CWF19L2: variants seen among roughly 807,000 people sequenced by gnomAD.
CWF19L2 encodes the protein CWF19-like protein 2.
Under a neutral mutation model 111.7 loss-of-function variants are expected in CWF19L2, and 98 were observed. The ratio of observed to expected loss-of-function variants is 0.88; its 90% CI spans 0.75 to 1.04. The LOEUF (loss-of-function observed/expected upper bound fraction) is 1.04, where lower values mean the gene tolerates loss of function less well. Ranked by LOEUF, CWF19L2 falls within the 50% of genes least tolerant of loss-of-function variation. The pLI is 0.00. For missense variants in CWF19L2, 1,101 were observed against 1,051.4 expected (o/e 1.05, Z -0.65); for synonymous variants, 351 against 342.9 (o/e 1.02, Z -0.26).
intron 10 of CWF19L2, among the ~76,000 whole-genome samples, chr11:107,393,764 A>C (rs1007843829): frequency 2.6e-5 from 4 of 152,180 alleles, no homozygotes; most frequent in Non-Finnish European, 5.9e-5. Context: ...CAATTATCCT[A>C]AGTGAAATAA....
chr11:107,426,937 C>T (rs558882168), intron 8 of CWF19L2, among the ~76,000 whole-genome samples: 1 of 151,904 alleles, frequency 6.6e-6, no homozygotes, highest in Non-Finnish European at 1.5e-5. Context: ...TTATACTCAC[C>T]TATGCTTCAT....
In CWF19L2 at chr11:107,329,988, T is replaced by A; in HGVS notation, c.2471A>T (p.Asp824Val). 1 of 1,586,826 alleles carries A rather than the reference T, an allele frequency of 6.3e-7. No homozygotes were observed. Among genetic ancestry groups the A allele is most frequent in the Non-Finnish European group, 8.6e-7 (1 of 1,166,212 alleles). ...VPRGLPYFSV[D>V]FGLHGGFAHV... ...GGCAAACCCTCCGTGAAGGCCAAAATCCACAGAGAAGTAAGGTAACCCTCT... is the reference window on the plus strand; with the variant it reads ...GGCAAACCCTCCGTGAAGGCCAAAAACCACAGAGAAGTAAGGTAACCCTCT... The change falls in exon 17 of 18, where the codon GAT becomes GTT. Residue 824 changes from aspartate (D) to valine (V), a missense_variant. Physicochemically the swap from Asp to Val is radical, Grantham distance 152. Coordinates refer to ENST00000282251, the MANE Select transcript of CWF19L2 (RefSeq NM_152434.3).
rs552541113 is a variant in CWF19L2 at position 107,392,955 on chromosome 11, T to A, written c.1618-60A>T. Reference sequence around the variant, plus strand: ...TTGTGAAGAATGTTGAATGTTTTTATTTAATAACAAAAAAAGCATTAAAAT... The same window carrying A: ...TTGTGAAGAATGTTGAATGTTTTTAATTAATAACAAAAAAAGCATTAAAAT... On this transcript the variant is annotated intron_variant, in intron 10 of 17. Coordinates refer to ENST00000282251, the MANE Select transcript of CWF19L2 (RefSeq NM_152434.3). The A allele has an allele frequency of 7.6e-5, 81 of 1,065,400 alleles. 1 individual carries two copies. In the South Asian group the frequency reaches 1.2e-3, roughly 16 times the overall value. The allele number at this position is 1,065,400 out of a possible 1,614,324, so 66.0% of individuals were successfully genotyped here.
At chr11:107,449,137 CA>C (rs34294840) in intron 3 of CWF19L2, among the ~76,000 whole-genome samples, 31,723 of 85,580 alleles carry the variant, frequency 0.37, 2,723 homozygotes, top group Middle Eastern at 0.44. Context: ...TTTTACAGTG[CA>C]AAAAAAAAAA....
intron 10 of CWF19L2, among the ~76,000 whole-genome samples, chr11:107,413,210 G>A (rs1360087448): frequency 6.6e-6 from 1 of 152,176 alleles, no homozygotes; most frequent in African/African-American, 2.4e-5. Context: ...GGGGGAGGCT[G>A]TGCTTATGGA....
intron 12 of CWF19L2, among the ~76,000 whole-genome samples, chr11:107,373,100 G>C (rs1388229086): frequency 1.4e-5 from 1 of 72,514 alleles, no homozygotes; most frequent in Non-Finnish European, 2.6e-5. Flanking sequence ...ATTATATCCC[G>C]CACCTGGCTC....
At position 107,370,561 on chromosome 11, in the gene CWF19L2, A is replaced by AG. The variant is rs397699928; in HGVS notation, c.1873-16826_1873-16825insC. Among the ~76,000 whole-genome samples the AG allele has an allele frequency of 3.0e-5, 4 of 133,812 alleles. 1 individual carries two copies. The highest frequency in any genetic ancestry group is 1.2e-4 in the African/African-American group (4 of 33,308). 87.8% of individuals were successfully genotyped at this position (133,812 alleles called of 152,430 possible). A position where few individuals can be genotyped will look rare whatever the true frequency, so the allele number is the denominator to read the frequency against. ...TGTTTCTTCAAGGGAAAAAAAAAAA[A>AG]CAACTGCATGGCCTGGGAAAAGAGA... is the stretch of plus-strand genomic sequence containing the variant. On this transcript the variant is annotated intron_variant, in intron 12 of 17. Transcript: ENST00000282251.
At chr11:107,386,319 T>C (rs1327227745) in intron 12 of CWF19L2, among the ~76,000 whole-genome samples, 2 of 152,184 alleles carry the variant, frequency 1.3e-5, no homozygotes, top group African/African-American at 4.8e-5. Flanking sequence ...TGTTCATTTT[T>C]CTACTACCAA....
chr11:107,337,672 T>C (rs2134526610), intron 14 of CWF19L2, among the ~76,000 whole-genome samples: 1 of 152,234 alleles, frequency 6.6e-6, no homozygotes, highest in Non-Finnish European at 1.5e-5. Flanking sequence ...CCCAGCACTT[T>C]GGGAGGCCGA....
intron 14 of CWF19L2, among the ~76,000 whole-genome samples, chr11:107,344,080 G>A (rs1400286195): frequency 6.6e-6 from 1 of 152,130 alleles, no homozygotes; most frequent in African/African-American, 2.4e-5. Flanking sequence ...GGGTGTGGTG[G>A]TGCATGCCTG....
At chr11:107,330,683 C>CAG (rs1160486405) in intron 16 of CWF19L2, among the ~76,000 whole-genome samples, 4 of 106,194 alleles carry the variant, frequency 3.8e-5, no homozygotes, top group Non-Finnish European at 7.9e-5. Context: ...CACACACACA[C>CAG]ACACACTTTA....
At chr11:107,395,484 T>C (rs1860909230) in intron 10 of CWF19L2, among the ~76,000 whole-genome samples, 1 of 152,232 alleles carries the variant, frequency 6.6e-6, no homozygotes, top group Non-Finnish European at 1.5e-5. Flanking sequence ...ATTTCATTTT[T>C]CTATGATTAT....
chr11:107,396,890 ACCC>A (rs1242871318), intron 10 of CWF19L2, among the ~76,000 whole-genome samples: 2 of 151,734 alleles, frequency 1.3e-5, no homozygotes, highest in Non-Finnish European at 1.5e-5. Context: ...TCCCGAACAT[ACCC>A]CCCAACTGGA....
At chr11:107,369,740 A>C (rs982220266) in intron 12 of CWF19L2, among the ~76,000 whole-genome samples, 1 of 138,628 alleles carries the variant, frequency 7.2e-6, no homozygotes. Flanking sequence ...TTATTTTTCA[A>C]AGTGGAACTA....
chr11:107,403,435 C>T, intron 10 of CWF19L2: 2 of 772,236 alleles, frequency 2.6e-6, no homozygotes, highest in Non-Finnish European at 4.7e-6. Context: ...GGGGATCTGT[C>T]GGTGGCTCTT....
chr11:107,374,198 A>C lies in CWF19L2; in HGVS notation c.1872+15876T>G, dbSNP rs368893519. Among the ~76,000 whole-genome samples, 8 of 129,894 alleles carry C rather than the reference A, an allele frequency of 6.2e-5. 2 individuals carry two copies. The highest frequency in any genetic ancestry group is 1.3e-4 in the Non-Finnish European group (8 of 62,226). The allele number at this position is 129,894 out of a possible 152,430, so 85.2% of individuals were successfully genotyped here. A position where few individuals can be genotyped will look rare whatever the true frequency, so the allele number is the denominator to read the frequency against. On this transcript the variant is annotated intron_variant, in intron 12 of 17. Coordinates refer to ENST00000282251, the MANE Select transcript of CWF19L2 (RefSeq NM_152434.3). Reference sequence around the variant, plus strand: ...GGAACCAAGTTGGAAAACACTCTGCAGGATATTATCCAGGAGAACTTCCCC... The same window carrying C: ...GGAACCAAGTTGGAAAACACTCTGCCGGATATTATCCAGGAGAACTTCCCC...
intron 12 of CWF19L2, among the ~76,000 whole-genome samples, chr11:107,378,850 AAAAAG>A (rs1253001323): frequency 6.3e-5 from 9 of 141,950 alleles, no homozygotes; most frequent in South Asian, 2.2e-4. Context: ...TGTAACAAAA[AAAAAG>A]AAAGATAGCA....
rs1859766716 is a variant in CWF19L2, at chr11:107,326,798, C to G, written c.*112G>C. 1 of 854,998 alleles carries G rather than the reference C, an allele frequency of 1.2e-6. No individual in the cohort carries two copies. Among genetic ancestry groups the G allele is most frequent in the Admixed American group, 3.1e-5 (1 of 31,946 alleles). 53.0% of individuals were successfully genotyped at this position (854,998 alleles called of 1,614,324 possible). ...ACAGTTGTCACTGACCCAGAGCAGT[C>G]TGCTGCTGTGACTCTCTCTGCCTGT... is the stretch of plus-strand genomic sequence containing the variant. On this transcript the variant is annotated 3_prime_UTR_variant, in exon 18 of 18. Coordinates refer to ENST00000282251, the MANE Select transcript of CWF19L2 (RefSeq NM_152434.3).
chr11:107,404,310 A>G (rs567897145), intron 10 of CWF19L2: 5 of 787,256 alleles, frequency 6.4e-6, no homozygotes, highest in South Asian at 2.7e-5. Context: ...CCAGTCTCCC[A>G]CAACTTTAGG....
Sources: gnomAD v4.1 joint callset for allele counts (sites outside exome capture counted in the v4.1 genomes callset) on GRCh38, gnomAD v4.1.1 for gene constraint, MANE v1.5 for transcripts, NCBI Gene and HGNC (gene_info 2026-07-23, HGNC 2026-07-21) for gene names.